ISG20L2: variants seen among roughly 807,000 people sequenced by gnomAD.
The protein encoded by ISG20L2 is interferon stimulated exonuclease gene 20 like 2, also known as interferon-stimulated 20 kDa exonuclease-like 2.
Under a neutral mutation model 27.8 loss-of-function variants are expected in ISG20L2, and 14 were observed. That is an observed-to-expected ratio of 0.50 (90% CI 0.33 to 0.79). The LOEUF (loss-of-function observed/expected upper bound fraction) is 0.79, where lower values mean the gene tolerates loss of function less well. Among genes scored for constraint, ISG20L2 ranks in the 30% least tolerant of loss-of-function variants. ISG20L2 has a pLI of 0.02. For missense variants in ISG20L2, 393 were observed against 435.1 expected (o/e 0.90, Z 0.86); for synonymous variants, 157 against 165.7 (o/e 0.95, Z 0.40).
At position 156,724,244 on chromosome 1, in the gene ISG20L2, G is replaced by A; in HGVS notation, c.852C>T (p.Ser284=). The change falls in exon 3 of 4, where the codon TCC becomes TCT. Residue 284 remains serine, a synonymous_variant. Transcript: ENST00000368219. ...CCTTCCGGTTGAGGGGGGGGATATG[G>A]GAGGTGTCACGGGTGAGGGACTTGG... is the stretch of plus-strand genomic sequence containing the variant. ...FHPKSLTRDT[S]HIPPLNRKAD... is the part of the protein sequence containing the mutation. 6.2e-7 allele frequency: 1 copy of A among 1,614,122 alleles called. No homozygotes were observed. The highest frequency in any genetic ancestry group is 1.1e-5 in the South Asian group (1 of 91,086).
rs61736207 is a variant in ISG20L2 at position 156,724,232 on chromosome 1, G to T, written c.864C>A (p.Pro288=). Residue 288 remains proline (P), a synonymous_variant, in exon 3 of 4, where the codon CCC becomes CCA. Transcript: ENST00000368219. ...SLTRDTSHIP[P]LNRKADCPEN... ...CCGGGCAGTCAGCCTTCCGGTTGAG[G>T]GGGGGGATATGGGAGGTGTCACGGG... The T allele has an allele frequency of 3.6e-3, 5,853 of 1,613,924 alleles. 199 individuals carry two copies. In the African/African-American group the frequency reaches 0.069, roughly 19 times the overall value.
intron 3 of ISG20L2, chr1:156,723,800 C>T: frequency 5.1e-6 from 5 of 985,418 alleles, no homozygotes; most frequent in Non-Finnish European, 6.0e-6. Flanking sequence ...TGACATATGT[C>T]CCCATCTTCC....
intron 2 of ISG20L2, chr1:156,726,092 GA>G: frequency 1.0e-6 from 1 of 985,466 alleles, no homozygotes; most frequent in Non-Finnish European, 1.2e-6. Context: ...GGCTAGGAGT[GA>G]GATGACAACC....
At position 156,728,756 on chromosome 1, in the gene ISG20L2, G is replaced by T; in HGVS notation, c.-459C>A. On this transcript the variant is annotated 5_prime_UTR_variant, in exon 1 of 4. Transcript: ENST00000368219. ...ACCTCCGGCTTCACTTCCGTAAGAG[G>T]AGAGGAGTGTACGGCAAGGGGCGGG... The T allele has an allele frequency of 9.7e-7, 1 of 1,032,300 alleles. No homozygotes were observed. The highest frequency in any genetic ancestry group is 1.2e-6 in the Non-Finnish European group (1 of 858,738). The allele number at this position is 1,032,300 out of a possible 1,614,324, so 63.9% of individuals were successfully genotyped here. A position where few individuals can be genotyped will look rare whatever the true frequency, so the allele number is the denominator to read the frequency against.
chr1:156,728,150 A>T, intron 1 of ISG20L2: 3 of 987,906 alleles, frequency 3.0e-6, no homozygotes, highest in Non-Finnish European at 3.6e-6. Flanking sequence ...AGTGAGAAGT[A>T]TGGCGTAGAT....
intron 2 of ISG20L2, chr1:156,726,173 A>C (rs1447639735): frequency 1.0e-6 from 1 of 985,234 alleles, no homozygotes; most frequent in Non-Finnish European, 1.2e-6. Context: ...TATATACCCC[A>C]GCTCCTCCTG....
chr1:156,728,518 C>T lies in ISG20L2; in HGVS notation c.-221G>A, dbSNP rs561651983. 1.0e-6 allele frequency: 1 copy of T among 985,644 alleles called. No individual in the cohort carries two copies. The highest frequency in any genetic ancestry group is 4.7e-5 in the South Asian group (1 of 21,484). 61.1% of individuals were successfully genotyped at this position (985,644 alleles called of 1,614,324 possible). ...AGGCAGGCGCGCGGGTTAGAACGCGCCAGAGGTCGGCGCGCGCACACCCGC... is the reference window on the plus strand; with the variant it reads ...AGGCAGGCGCGCGGGTTAGAACGCGTCAGAGGTCGGCGCGCGCACACCCGC... On this transcript the variant is annotated 5_prime_UTR_variant, in exon 1 of 4. Transcript: ENST00000368219.
chr1:156,724,025 C>A, intron 3 of ISG20L2, 123 bp downstream of exon 3: 1 of 1,130,368 alleles, frequency 8.8e-7, no homozygotes, highest in Non-Finnish European at 1.3e-6. Context: ...AGATGGAGCT[C>A]TTCCCATCAC....
At chr1:156,728,253 G>C (rs1411214129) in intron 1 of ISG20L2, 162 bp downstream of exon 1, 1 of 985,874 alleles carries the variant, frequency 1.0e-6, no homozygotes, top group Non-Finnish European at 1.2e-6. Flanking sequence ...CCGGAATTGG[G>C]GGCAATCTCC....
At chr1:156,724,110 T>G in intron 3 of ISG20L2, 38 bp downstream of exon 3, 1 of 1,539,158 alleles carries the variant, frequency 6.5e-7, no homozygotes, top group Non-Finnish European at 9.0e-7. Flanking sequence ...ACGAGAGCCA[T>G]GTCCAAGATG....
rs893791257 is a variant in ISG20L2, at chr1:156,722,121, C to T, written c.*1228G>A. 6.6e-6 allele frequency: 1 copy of T among 152,116 alleles called. No homozygotes were observed. The highest frequency in any genetic ancestry group is 2.4e-5 in the African/African-American group (1 of 41,408). The allele number at this position is 152,116 out of a possible 1,614,324, so 9.4% of individuals were successfully genotyped here. A position where few individuals can be genotyped will look rare whatever the true frequency, so the allele number is the denominator to read the frequency against. The stretch of plus-strand genomic sequence containing the variant: ...CACTCTTACTTCTAATGCCTTGGAA[C>T]CCTAAGGAGAACTAAAGCTCACCAG... On this transcript the variant is annotated 3_prime_UTR_variant, in exon 4 of 4. Coordinates refer to ENST00000368219, the MANE Select transcript of ISG20L2 (RefSeq NM_001370150.2).
At position 156,722,646 on chromosome 1, in the gene ISG20L2, C is replaced by T. The variant is rs959173697; in HGVS notation, c.*703G>A. On this transcript the variant is annotated 3_prime_UTR_variant, in exon 4 of 4. Transcript: ENST00000368219. ...GGAGACGGAGTCTCACTCTTGTCAC[C>T]CAGGCTGGAGTGCAGTGACACGATC... The T allele has an allele frequency of 1.3e-5, 2 of 151,110 alleles. No individual in the cohort carries two copies. The highest frequency in any genetic ancestry group is 4.9e-5 in the African/African-American group (2 of 41,050). The allele number at this position is 151,110 out of a possible 1,614,324, so 9.4% of individuals were successfully genotyped here. A position where few individuals can be genotyped will look rare whatever the true frequency, so the allele number is the denominator to read the frequency against.
intron 2 of ISG20L2, chr1:156,726,461 C>T (rs1444175648): frequency 1.0e-6 from 1 of 971,158 alleles, no homozygotes; most frequent in South Asian, 4.8e-5. Flanking sequence ...CTCACTCTGT[C>T]GCTCAGGCTG....
intron 3 of ISG20L2, chr1:156,723,933 C>A: frequency 7.6e-7 from 1 of 1,314,146 alleles, no homozygotes; most frequent in South Asian, 1.8e-5. Context: ...GGTTTTATAT[C>A]TACTTAGGAC....
chr1:156,728,636 G>C lies in ISG20L2; in HGVS notation c.-339C>G. ...GAGGGGGCGGCGTGGGTGGGGGCGG[G>C]GGCGGGATGCGCTCCCCGGCCCCTC... On this transcript the variant is annotated 5_prime_UTR_variant, in exon 1 of 4. Transcript: ENST00000368219. 1.0e-6 allele frequency: 1 copy of C among 985,598 alleles called. No individual in the cohort carries two copies. The highest frequency in any genetic ancestry group is 1.2e-6 in the Non-Finnish European group (1 of 829,822). The allele number at this position is 985,598 out of a possible 1,614,324, so 61.1% of individuals were successfully genotyped here. A position where few individuals can be genotyped will look rare whatever the true frequency, so the allele number is the denominator to read the frequency against.
intron 1 of ISG20L2, 174 bp downstream of exon 1, chr1:156,728,241 G>A: frequency 1.0e-6 from 1 of 986,004 alleles, no homozygotes; most frequent in South Asian, 4.7e-5. Flanking sequence ...CTTGGCTCCA[G>A]GCCGGAATTG....
Position 156,728,456 on chromosome 1 carries a change from G to A in ISG20L2, c.-159C>T. 2.0e-6 allele frequency: 2 copies of A among 985,716 alleles called. No homozygotes were observed. The highest frequency in any genetic ancestry group is 2.4e-6 in the Non-Finnish European group (2 of 829,960). The allele number at this position is 985,716 out of a possible 1,614,324, so 61.1% of individuals were successfully genotyped here. A position where few individuals can be genotyped will look rare whatever the true frequency, so the allele number is the denominator to read the frequency against. The stretch of plus-strand genomic sequence containing the variant: ...GCTAAGACCGGAAGCGTCCGGAGCC[G>A]GATGCGGAAATCGGTGCGCGCCGAC... On this transcript the variant is annotated 5_prime_UTR_variant, in exon 1 of 4. Transcript: ENST00000368219.
chr1:156,726,604 G>A (rs1355001904), intron 2 of ISG20L2: 1 of 886,886 alleles, frequency 1.1e-6, no homozygotes, highest in African/African-American at 1.8e-5. Context: ...GACAGGGCTT[G>A]AGTTCCTGGG....
At chr1:156,726,113 G>A (rs1648747071) in intron 2 of ISG20L2, 1 of 985,420 alleles carries the variant, frequency 1.0e-6, no homozygotes, top group Non-Finnish European at 1.2e-6. Flanking sequence ...CCGAAGTGCC[G>A]GCCCTGTGCC....
Sources: gnomAD v4.1 joint callset for allele counts on GRCh38, gnomAD v4.1.1 for gene constraint, MANE v1.5 for transcripts, NCBI Gene and HGNC (gene_info 2026-07-23, HGNC 2026-07-21) for gene names.